PTPRZ1: variants seen among roughly 807,000 people sequenced by gnomAD.
PTPRZ1 encodes the protein receptor-type tyrosine-protein phosphatase zeta.
In PTPRZ1, 82 loss-of-function variants were observed where a neutral mutation model predicts 214.1. That is an observed-to-expected ratio of 0.38 (90% confidence interval 0.32 to 0.46). PTPRZ1 has a LOEUF of 0.46. Ranked by LOEUF, PTPRZ1 falls within the 20% of genes least tolerant of loss-of-function variation. PTPRZ1 has a pLI of 1.00. For missense variants in PTPRZ1, 2,603 were observed against 2,748.7 expected, an observed-to-expected ratio of 0.95 and a Z score of 1.19; for synonymous variants, 945 against 987.9, an observed-to-expected ratio of 0.96 and a Z score of 0.81.
At chr7:121,970,918 G>C (rs575801575) in intron 3 of PTPRZ1, among the ~76,000 whole-genome samples, 2 of 152,234 alleles carry the variant, frequency 1.3e-5, no homozygotes, top group Non-Finnish European at 2.9e-5. Context: ...TTTTCTTCTA[G>C]GGTTTTTATG....
At chr7:121,938,544 A>T (rs558110251) in intron 2 of PTPRZ1, among the ~76,000 whole-genome samples, 1 of 152,330 alleles carries the variant, frequency 6.6e-6, no homozygotes, top group East Asian at 1.9e-4. Context: ...TTCCCATAGA[A>T]ATTGGGAGAG....
intron 3 of PTPRZ1, among the ~76,000 whole-genome samples, chr7:121,970,274 G>A (rs1055687415): frequency 2.0e-5 from 3 of 152,114 alleles, no homozygotes; most frequent in Non-Finnish European, 4.4e-5. Context: ...ATGTGCATGT[G>A]TTTTTATAGC....
chr7:121,946,357 A>C (rs1796374409), intron 2 of PTPRZ1, among the ~76,000 whole-genome samples: 1 of 152,172 alleles, frequency 6.6e-6, no homozygotes, highest in Non-Finnish European at 1.5e-5. Context: ...ATGAGAGAGA[A>C]TATAAGTCAG....
At chr7:122,050,852 T>C (rs182641632) in intron 23 of PTPRZ1, among the ~76,000 whole-genome samples, 1 of 152,222 alleles carries the variant, frequency 6.6e-6, no homozygotes, top group East Asian at 1.9e-4. Context: ...AATAAAACAC[T>C]GAATAACTGA....
At chr7:121,904,906 T>G (rs1436444620) in intron 1 of PTPRZ1, among the ~76,000 whole-genome samples, 1 of 152,210 alleles carries the variant, frequency 6.6e-6, no homozygotes, top group African/African-American at 2.4e-5. Flanking sequence ...TACAATCTTT[T>G]AGCTTTTACA....
intron 11 of PTPRZ1, 36 bp downstream of exon 11, chr7:122,004,696 A>T: frequency 8.6e-7 from 1 of 1,164,640 alleles, no homozygotes; most frequent in Non-Finnish European, 1.2e-6. Context: ...ATGTTTTAAT[A>T]TTAAATGGTC....
intron 1 of PTPRZ1, among the ~76,000 whole-genome samples, chr7:121,893,122 A>G (rs1794689052): frequency 6.6e-6 from 1 of 152,044 alleles, no homozygotes; most frequent in Non-Finnish European, 1.5e-5. Flanking sequence ...ATTTTTAACA[A>G]TGATTGCCCT....
chr7:122,011,816 C>A lies in PTPRZ1; in HGVS notation c.2770C>A (p.Pro924Thr). The change falls in exon 12 of 30, where the codon CCT becomes ACT. Residue 924 changes from proline (P) to threonine (T), a missense_variant. Physicochemically the swap from Pro to Thr is conservative, Grantham distance 38. Coordinates refer to ENST00000393386, the MANE Select transcript of PTPRZ1 (RefSeq NM_002851.3). Reference sequence around the variant, plus strand: ...CATGATGCATGCACGTTCTTCAGGGCCTGAACCTTCTTATGCCTTGTCTGA... The same window carrying A: ...CATGATGCATGCACGTTCTTCAGGGACTGAACCTTCTTATGCCTTGTCTGA... ...DAMMHARSSG[P>T]EPSYALSDNE... The A allele has an allele frequency of 2.5e-6, 4 of 1,614,070 alleles. No homozygotes were observed. The highest frequency in any genetic ancestry group is 3.4e-6 in the Non-Finnish European group (4 of 1,179,950).
intron 1 of PTPRZ1, among the ~76,000 whole-genome samples, chr7:121,889,701 C>T (rs1018226664): frequency 2.0e-5 from 3 of 152,102 alleles, no homozygotes; most frequent in African/African-American, 2.4e-5. Context: ...TATTTTCTCT[C>T]CTGTCCTTTG....
In PTPRZ1 at chr7:122,057,554, C is replaced by T. The variant is rs1469560930; in HGVS notation, c.6529-1246C>T. 2.7e-5 allele frequency among the ~76,000 whole-genome samples: 4 copies of T among 150,404 alleles called. No homozygotes were observed. The East Asian group carries it at 5.8e-4, about 22-fold the overall frequency. On this transcript the variant is annotated intron_variant, in intron 27 of 29. Transcript: ENST00000393386. ...TCATTTACTGATTTATCAGAGGTCT[C>T]GTATTGTGGATACTAATCCTTTGTC...
intron 1 of PTPRZ1, among the ~76,000 whole-genome samples, chr7:121,874,624 T>G (rs1793996800): frequency 6.6e-6 from 1 of 152,192 alleles, no homozygotes; most frequent in African/African-American, 2.4e-5. Flanking sequence ...ACAGTAACCT[T>G]TACAAACAGA....
intron 1 of PTPRZ1, among the ~76,000 whole-genome samples, chr7:121,895,477 A>AT (rs1266654387): frequency 6.6e-6 from 1 of 152,188 alleles, no homozygotes; most frequent in African/African-American, 2.4e-5. Flanking sequence ...TTTTTCTTAG[A>AT]TTTTTATTAA....
rs148154147 is a variant in PTPRZ1 at position 121,902,469 on chromosome 7, A to G, written c.59-25687A>G. On this transcript the variant is annotated intron_variant, in intron 1 of 29. Coordinates refer to ENST00000393386, the MANE Select transcript of PTPRZ1 (RefSeq NM_002851.3). ...TTCCAAAATGGCTATACTAGTTTAC[A>G]TTCCCATTGACAGGGAATAAGAGTT... Among the ~76,000 whole-genome samples, 858 of 152,284 alleles carry G rather than the reference A, an allele frequency of 5.6e-3. 22 individuals carry two copies. Among genetic ancestry groups the G allele is most frequent in the Middle Eastern group, 0.014 (4 of 294 alleles).
intron 3 of PTPRZ1, among the ~76,000 whole-genome samples, chr7:121,970,823 A>T (rs1334203402): frequency 2.6e-5 from 4 of 152,016 alleles, no homozygotes; most frequent in Non-Finnish European, 4.4e-5. Flanking sequence ...CCCATTTGTC[A>T]ATTTTGGCTT....
At chr7:121,918,096 T>C (rs1795480181) in intron 1 of PTPRZ1, among the ~76,000 whole-genome samples, 1 of 151,754 alleles carries the variant, frequency 6.6e-6, no homozygotes, top group South Asian at 2.1e-4. Flanking sequence ...TCAGTCAATA[T>C]ACTGGGAAAG....
intron 1 of PTPRZ1, among the ~76,000 whole-genome samples, chr7:121,891,469 T>TTTTTTTTTTTTTTTTTTTTTTTTC: frequency 6.9e-6 from 1 of 144,314 alleles, no homozygotes; most frequent in Non-Finnish European, 1.5e-5. Context: ...TTTTTTTTTT[T>TTTTTTTTTTTTTTTTTTTTTTTTC]TTTTTTTTTT....
chr7:122,016,618 C>G (rs2116675522), intron 12 of PTPRZ1, among the ~76,000 whole-genome samples: 1 of 151,778 alleles, frequency 6.6e-6, no homozygotes, highest in South Asian at 2.1e-4. Flanking sequence ...TATGTGTGTG[C>G]ATGTGTGTAT....
chr7:122,034,185 A>T, intron 16 of PTPRZ1, 70 bp downstream of exon 16: 1 of 1,564,806 alleles, frequency 6.4e-7, no homozygotes, highest in Non-Finnish European at 8.8e-7. Context: ...ATTTCATTTG[A>T]TAGATTATTT....
intron 23 of PTPRZ1, among the ~76,000 whole-genome samples, chr7:122,050,552 A>C (rs935600319): frequency 6.6e-6 from 1 of 151,438 alleles, no homozygotes; most frequent in Non-Finnish European, 1.5e-5. Context: ...TCTTACGTAA[A>C]ATGATAATTT....
Sources: gnomAD v4.1 joint callset for allele counts (sites outside exome capture counted in the v4.1 genomes callset) on GRCh38, gnomAD v4.1.1 for gene constraint, MANE v1.5 for transcripts, NCBI Gene and HGNC (gene_info 2026-07-23, HGNC 2026-07-21) for gene names.